Variants in LSG1 observed in about 807,000 individuals in gnomAD.
The protein encoded by LSG1 is large subunit GTPase 1 homolog.
Under a neutral mutation model 82.6 loss-of-function variants are expected in LSG1, and 55 were observed. The ratio of observed to expected loss-of-function variants is 0.67; its 90% CI spans 0.54 to 0.83. The LOEUF (loss-of-function observed/expected upper bound fraction) is 0.83. LSG1 is among the 40% of genes least tolerant of loss of function. LSG1 has a pLI of 0.00. For missense variants in LSG1, 809 were observed against 807.9 expected (o/e 1.00, Z -0.02); for synonymous variants, 272 against 282.5 (o/e 0.96, Z 0.37).
chr3:194,644,394 AT>A (rs1560218849), intron 13 of LSG1, among the ~76,000 whole-genome samples, 178 bp downstream of exon 13: 8,439 of 128,630 alleles, frequency 0.066, 710 homozygotes, highest in East Asian at 0.19. Flanking sequence ...AAATAAATAA[AT>A]AAATAAATAA....
chr3:194,664,151 C>T (rs1718985934), intron 5 of LSG1, among the ~76,000 whole-genome samples: 1 of 152,144 alleles, frequency 6.6e-6, no homozygotes, highest in African/African-American at 2.4e-5. Context: ...CAGGGTTTCA[C>T]CACGTTCCTC....
chr3:194,641,803 A>G lies in LSG1; in HGVS notation c.*265T>C, dbSNP rs908150422. 3.9e-5 allele frequency: 12 copies of G among 305,486 alleles called. No individual in the cohort carries two copies. Among genetic ancestry groups the G allele is most frequent in the Non-Finnish European group, 6.6e-5 (11 of 167,690 alleles). The allele number at this position is 305,486 out of a possible 1,614,324, so 18.9% of individuals were successfully genotyped here. On this transcript the variant is annotated 3_prime_UTR_variant, in exon 14 of 14. Coordinates refer to ENST00000265245, the MANE Select transcript of LSG1 (RefSeq NM_018385.3). The stretch of plus-strand genomic sequence containing the variant: ...TAATTTTTTTGTATTTTTAGTAGAG[A>G]CGGGGTTTCTCCATGTTGGTGCGTG...
chr3:194,647,871 C>T (rs1560220910), intron 11 of LSG1, among the ~76,000 whole-genome samples: 1 of 146,580 alleles, frequency 6.8e-6, no homozygotes. Context: ...TTCTATGAAT[C>T]TGTAATTAGA....
At chr3:194,642,494 CTT>C (rs532661876) in intron 13 of LSG1, among the ~76,000 whole-genome samples, 35 of 151,828 alleles carry the variant, frequency 2.3e-4, no homozygotes, top group African/African-American at 8.2e-4. Flanking sequence ...TACAACTAGA[CTT>C]AATACCAGCT....
Position 194,642,048 on chromosome 3 carries a change from A to G in LSG1, c.*20T>C. 6.2e-7 allele frequency: 1 copy of G among 1,610,272 alleles called. No homozygotes were observed. Among genetic ancestry groups the G allele is most frequent in the Non-Finnish European group, 8.5e-7 (1 of 1,179,034 alleles). Reference sequence around the variant, plus strand: ...TTTCCATCTGCACAATGCAGATGACATTTCTGTTGCAGCCCAACCTCACAT... The same window carrying G: ...TTTCCATCTGCACAATGCAGATGACGTTTCTGTTGCAGCCCAACCTCACAT... On this transcript the variant is annotated 3_prime_UTR_variant, in exon 14 of 14. Transcript: ENST00000265245.
intron 12 of LSG1, among the ~76,000 whole-genome samples, chr3:194,645,939 C>T (rs2108615259): frequency 6.6e-6 from 1 of 152,312 alleles, no homozygotes; most frequent in East Asian, 1.9e-4. Flanking sequence ...CAAAAAAAGC[C>T]AGATGCATAT....
At chr3:194,667,942 A>AAAAAAAAAAAAAAAT (rs1416407494) in intron 2 of LSG1, among the ~76,000 whole-genome samples, 10 of 86,966 alleles carry the variant, frequency 1.1e-4, no homozygotes, top group East Asian at 8.5e-4. Flanking sequence ...AAAAAAAAAA[A>AAAAAAAAAAAAAAAT]ATATATATAT....
chr3:194,666,498 T>C lies in LSG1; in HGVS notation c.301A>G (p.Lys101Glu), dbSNP rs1719032838. The change falls in exon 3 of 14, where the codon AAG becomes GAG. Residue 101 changes from lysine to glutamate, a missense_variant. Coordinates refer to ENST00000265245, the MANE Select transcript of LSG1 (RefSeq NM_018385.3). Reference protein sequence around the residue: ...LLSFEESQRIKKLHEENKQFL... With the variant: ...LLSFEESQRIEKLHEENKQFL... ...TGTTTGTTTTCTTCATGGAGCTTCT[T>C]AATTCTCTGGCTCTCCTCGAAAGAC... is the stretch of plus-strand genomic sequence containing the variant. 5 of 1,614,112 alleles carry C rather than the reference T, an allele frequency of 3.1e-6. No individual in the cohort carries two copies. The highest frequency in any genetic ancestry group is 4.2e-6 in the Non-Finnish European group (5 of 1,179,968).
intron 2 of LSG1, 92 bp downstream of exon 2, chr3:194,669,917 C>T (rs1486512529): frequency 6.2e-6 from 9 of 1,440,028 alleles, no homozygotes; most frequent in Non-Finnish European, 8.5e-6. Flanking sequence ...GGTGACAGAG[C>T]GAGACTCCAT....
At chr3:194,658,149 T>C (rs1216696131) in intron 7 of LSG1, among the ~76,000 whole-genome samples, 1 of 151,644 alleles carries the variant, frequency 6.6e-6, no homozygotes, top group Non-Finnish European at 1.5e-5. Context: ...ATAGCTGTTG[T>C]TATTATTATT....
chr3:194,650,948 G>A lies in LSG1; in HGVS notation c.1352C>T (p.Ala451Val). 1 of 1,614,186 alleles carries A rather than the reference G, an allele frequency of 6.2e-7. No individual in the cohort carries two copies. ...GAGGATTCCGCTGCAAGTCATTTCTGCCTTGGTAGACACAAAAGATGGCAT... is the reference window on the plus strand; with the variant it reads ...GAGGATTCCGCTGCAAGTCATTTCTACCTTGGTAGACACAAAAGATGGCAT... ...LVMPSFVSTKAEMTCSGILPI... is the reference protein window; with the variant it reads ...LVMPSFVSTKVEMTCSGILPI... Residue 451 changes from alanine to valine, a missense_variant, in exon 10 of 14, where the codon GCA becomes GTA. Physicochemically the swap from Ala to Val is moderately conservative, Grantham distance 64. Transcript: ENST00000265245.
rs367635408 is a variant in LSG1 at position 194,659,122 on chromosome 3, C to T, written c.594G>A (p.Val198=). ...TCTCCTTATTGGCATCCATTTCTTT[C>T]ACATAACATTCCTAAGCAAGACAAA... ...LFRCEDLECY[V]KEMDANKENV... is the part of the protein sequence containing the mutation. Residue 198 remains valine, a synonymous_variant, in exon 7 of 14, where the codon GTG becomes GTA. Coordinates refer to ENST00000265245, the MANE Select transcript of LSG1 (RefSeq NM_018385.3). 34 of 1,612,846 alleles carry T rather than the reference C, an allele frequency of 2.1e-5. No homozygotes were observed. The highest frequency in any genetic ancestry group is 1.6e-4 in the Middle Eastern group (1 of 6,080).
At chr3:194,663,205 A>G (rs1265555384) in intron 5 of LSG1, among the ~76,000 whole-genome samples, 2 of 152,204 alleles carry the variant, frequency 1.3e-5, no homozygotes, top group Non-Finnish European at 2.9e-5. Context: ...TCTCAGGAGT[A>G]CACAGCATCA....
intron 13 of LSG1, among the ~76,000 whole-genome samples, chr3:194,643,103 T>C (rs1718433207): frequency 6.6e-6 from 1 of 152,246 alleles, no homozygotes; most frequent in Non-Finnish European, 1.5e-5. Flanking sequence ...TAGTAGTCAC[T>C]TAAAAACATT....
At chr3:194,652,680 G>A (rs757700564) in intron 8 of LSG1, 49 bp downstream of exon 8, 13 of 1,563,510 alleles carry the variant, frequency 8.3e-6, no homozygotes, top group Middle Eastern at 1.7e-4. Context: ...GAAAAATGGG[G>A]ATTAAAGACA....
At position 194,641,438 on chromosome 3, in the gene LSG1, C is replaced by T. The variant is rs1718377409; in HGVS notation, c.*630G>A. The T allele has an allele frequency of 2.0e-5, 3 of 152,180 alleles. 1 individual carries two copies. The highest frequency in any genetic ancestry group is 4.4e-5 in the Non-Finnish European group (3 of 68,040). 9.4% of individuals were successfully genotyped at this position (152,180 alleles called of 1,614,324 possible). A position where few individuals can be genotyped will look rare whatever the true frequency, so the allele number is the denominator to read the frequency against. Reference sequence around the variant, plus strand: ...GATGGGGGCTAGGTAGTAAATACCGCAGCTTCCCTGTCACCCGGTGGTTAC... The same window carrying T: ...GATGGGGGCTAGGTAGTAAATACCGTAGCTTCCCTGTCACCCGGTGGTTAC... On this transcript the variant is annotated 3_prime_UTR_variant, in exon 14 of 14. Transcript: ENST00000265245.
intron 10 of LSG1, 25 bp downstream of exon 10, chr3:194,650,856 A>C (rs746079899): frequency 6.3e-7 from 1 of 1,596,870 alleles, no homozygotes; most frequent in Non-Finnish European, 8.5e-7. Context: ...TAATAACTAG[A>C]GTGTTTCCAA....
chr3:194,665,910 G>C (rs939614656), intron 4 of LSG1, among the ~76,000 whole-genome samples: 1 of 152,128 alleles, frequency 6.6e-6, no homozygotes, highest in African/African-American at 2.4e-5. Context: ...ACTCTTACTG[G>C]AAAAATGTGC....
intron 7 of LSG1, among the ~76,000 whole-genome samples, chr3:194,656,258 A>C (rs1335913996): frequency 6.7e-6 from 1 of 150,038 alleles, no homozygotes; most frequent in South Asian, 2.2e-4. Flanking sequence ...CTCATCTGAC[A>C]AAGGGCTAAT....
Sources: gnomAD v4.1 joint callset for allele counts (sites outside exome capture counted in the v4.1 genomes callset) on GRCh38, gnomAD v4.1.1 for gene constraint, MANE v1.5 for transcripts, NCBI Gene and HGNC (gene_info 2026-07-23, HGNC 2026-07-21) for gene names.